The following SCHIP1 variants were observed in gnomAD, a reference collection of about 807,000 sequenced individuals.
SCHIP1 encodes schwannomin-interacting protein 1.
SCHIP1 carries 8 observed loss-of-function variants against 29.7 expected under a neutral mutation model. That is an observed-to-expected ratio of 0.27 (90% CI 0.16 to 0.49). SCHIP1 has a LOEUF of 0.49. Ranked by LOEUF, SCHIP1 falls within the 20% of genes least tolerant of loss-of-function variation. SCHIP1 has a pLI of 0.99. For synonymous variants in SCHIP1, 76 were observed against 94.9 expected, an observed-to-expected ratio of 0.80 and a Z score of 1.16; for missense variants, 193 against 294.6, an observed-to-expected ratio of 0.66 and a Z score of 2.52.
At chr3:159,842,030 C>T (rs549995970) in intron 1 of SCHIP1, among the ~76,000 whole-genome samples, 1 of 152,294 alleles carries the variant, frequency 6.6e-6, no homozygotes, top group East Asian at 1.9e-4. Context: ...GCTGGCACCA[C>T]ATGCAACTAG....
the SCHIP1 span, among the ~76,000 whole-genome samples, chr3:159,559,459 CATT>C: frequency 6.6e-6 from 1 of 152,150 alleles, no homozygotes; most frequent in East Asian, 1.9e-4. Flanking sequence ...GCCATCAAGT[CATT>C]GTTGTATGCA....
At chr3:159,426,015 C>T in the SCHIP1 span, among the ~76,000 whole-genome samples, 3 of 152,020 alleles carry the variant, frequency 2.0e-5, no homozygotes, top group African/African-American at 7.3e-5. Context: ...ACACAACATA[C>T]CAGAATCTCT....
the SCHIP1 span, among the ~76,000 whole-genome samples, chr3:159,587,877 A>C: frequency 6.6e-6 from 1 of 152,206 alleles, no homozygotes; most frequent in Non-Finnish European, 1.5e-5. Flanking sequence ...ATTGATGGAC[A>C]TTTGGGTTGG....
At chr3:159,425,679 G>A in the SCHIP1 span, among the ~76,000 whole-genome samples, 1 of 152,176 alleles carries the variant, frequency 6.6e-6, no homozygotes, top group Non-Finnish European at 1.5e-5. Context: ...ACTCAGCTCT[G>A]CACCAAGTGG....
the SCHIP1 span, among the ~76,000 whole-genome samples, chr3:159,559,482 C>T: frequency 2.0e-5 from 3 of 152,120 alleles, no homozygotes; most frequent in Non-Finnish European, 2.9e-5. Flanking sequence ...ATTTCAAAAT[C>T]CAAACATCAT....
chr3:159,478,043 C>T, the SCHIP1 span, among the ~76,000 whole-genome samples: 1 of 151,672 alleles, frequency 6.6e-6, no homozygotes, highest in Non-Finnish European at 1.5e-5. Context: ...CTGCCTCAGC[C>T]TCCAGAGTAG....
At chr3:159,405,927 A>G in the SCHIP1 span, among the ~76,000 whole-genome samples, 4 of 151,674 alleles carry the variant, frequency 2.6e-5, no homozygotes, top group Admixed American at 2.0e-4. Context: ...AGAGAAGATA[A>G]AAAATAATTA....
chr3:159,300,372 A>G, the SCHIP1 span, among the ~76,000 whole-genome samples: 1 of 151,916 alleles, frequency 6.6e-6, no homozygotes, highest in Non-Finnish European at 1.5e-5. Flanking sequence ...GTTCTCAAGC[A>G]GAAATCTGCA....
the SCHIP1 span, among the ~76,000 whole-genome samples, chr3:159,667,992 G>T: frequency 5.3e-5 from 8 of 152,172 alleles, no homozygotes; most frequent in Non-Finnish European, 1.2e-4. Context: ...GGGACCCTAG[G>T]TCCAAGCCAG....
At chr3:159,675,855 G>A in the SCHIP1 span, among the ~76,000 whole-genome samples, 15 of 152,232 alleles carry the variant, frequency 9.9e-5, no homozygotes, top group Admixed American at 9.8e-4. Flanking sequence ...TATGAGGCCA[G>A]GCGTGGTGGC....
At chr3:159,507,721 T>C in the SCHIP1 span, among the ~76,000 whole-genome samples, 2 of 152,256 alleles carry the variant, frequency 1.3e-5, no homozygotes, top group African/African-American at 2.4e-5. Context: ...TCTATTGAGA[T>C]AATCATGTGG....
At chr3:159,736,268 T>A in the SCHIP1 span, among the ~76,000 whole-genome samples, 1 of 152,236 alleles carries the variant, frequency 6.6e-6, no homozygotes, top group South Asian at 2.1e-4. Context: ...GGAAACAGCC[T>A]ACAAATGCAG....
rs534606837 is a variant in SCHIP1 at position 159,892,285 on chromosome 3, C to T, written c.683+95C>T. 27 of 1,419,768 alleles carry T rather than the reference C, an allele frequency of 1.9e-5. No individual in the cohort carries two copies. The African/African-American group carries it at 3.1e-4, about 16-fold the overall frequency. The allele number at this position is 1,419,768 out of a possible 1,614,324, so 87.9% of individuals were successfully genotyped here. ...AACTAGCTCAAGAGAACTTCTTCCT[C>T]TACTTCCATAAATAACTCACCTAGC... On this transcript the variant is annotated intron_variant, in intron 6 of 6. Coordinates refer to ENST00000445224, the Ensembl canonical transcript of SCHIP1.
chr3:159,777,064 G>A, the SCHIP1 span, among the ~76,000 whole-genome samples: 1 of 152,314 alleles, frequency 6.6e-6, no homozygotes, highest in East Asian at 1.9e-4. Context: ...AGAAGCCCAA[G>A]ATCCAAGCCT....
At chr3:159,325,185 A>G in the SCHIP1 span, among the ~76,000 whole-genome samples, 1 of 152,092 alleles carries the variant, frequency 6.6e-6, no homozygotes, top group East Asian at 1.9e-4. Flanking sequence ...TCACCTGTTC[A>G]AGTCACCGTA....
At chr3:159,353,883 G>A in the SCHIP1 span, among the ~76,000 whole-genome samples, 13 of 152,210 alleles carry the variant, frequency 8.5e-5, no homozygotes, top group Middle Eastern at 6.8e-3. Context: ...TCCATTAAAC[G>A]CCGCCTTCTA....
At chr3:159,749,379 A>C in the SCHIP1 span, among the ~76,000 whole-genome samples, 1 of 151,954 alleles carries the variant, frequency 6.6e-6, no homozygotes, top group Non-Finnish European at 1.5e-5. Context: ...AAAAAAGAAG[A>C]AGCAACAGCA....
At chr3:159,295,930 G>T in the SCHIP1 span, among the ~76,000 whole-genome samples, 10 of 152,104 alleles carry the variant, frequency 6.6e-5, no homozygotes, top group Admixed American at 1.3e-4. Flanking sequence ...TCAATGATAC[G>T]GGAAAATGAA....
the SCHIP1 span, among the ~76,000 whole-genome samples, chr3:159,339,296 G>A: frequency 6.6e-6 from 1 of 151,286 alleles, no homozygotes; most frequent in African/African-American, 2.4e-5. Context: ...TACTCAAATG[G>A]CAGCACTGTG....
Sources: gnomAD v4.1 joint callset for allele counts (sites outside exome capture counted in the v4.1 genomes callset) on GRCh38, gnomAD v4.1.1 for gene constraint, MANE v1.5 for transcripts, NCBI Gene and HGNC (gene_info 2026-07-23, HGNC 2026-07-21) for gene names.